ADAMTSL1: variants seen among roughly 807,000 people sequenced by gnomAD.
The protein encoded by ADAMTSL1 is ADAMTS-like protein 1.
Under a neutral mutation model 201.8 loss-of-function variants are expected in ADAMTSL1, and 126 were observed. The ratio of observed to expected loss-of-function variants is 0.62; its 90% CI spans 0.54 to 0.72. ADAMTSL1 has a LOEUF of 0.72. Among genes scored for constraint, ADAMTSL1 ranks in the 30% least tolerant of loss-of-function variants. ADAMTSL1 has a pLI of 0.00. For missense variants in ADAMTSL1, 2,679 were observed against 2,277.8 expected, an observed-to-expected ratio of 1.18 and a Z score of -3.59; for synonymous variants, 1,121 against 903.4, an observed-to-expected ratio of 1.24 and a Z score of -4.32.
intron 2 of ADAMTSL1, among the ~76,000 whole-genome samples, chr9:18,293,003 T>C (rs1417715652): frequency 6.6e-6 from 1 of 152,140 alleles, no homozygotes; most frequent in Non-Finnish European, 1.5e-5. Context: ...TGTTGAGGAA[T>C]TGGAGGTATC....
intron 2 of ADAMTSL1, among the ~76,000 whole-genome samples, chr9:18,241,439 A>G (rs983611995): frequency 2.6e-5 from 4 of 152,220 alleles, no homozygotes; most frequent in Admixed American, 1.3e-4. Context: ...TATCTTGTCC[A>G]GGTTATCATT....
In ADAMTSL1 at chr9:18,892,607, A is replaced by G; in HGVS notation, c.4851+11A>G. ...TCCAGCTGGGGCCAGGTGAGGAGCC[A>G]GAGAGGTTGTTATTTGAAAGCTAAA... is the stretch of plus-strand genomic sequence containing the variant. On this transcript the variant is annotated intron_variant, in intron 26 of 28. Transcript: ENST00000380548. 1 of 1,552,270 alleles carries G rather than the reference A, an allele frequency of 6.4e-7. No homozygotes were observed. Among genetic ancestry groups the G allele is most frequent in the African/African-American group, 1.4e-5 (1 of 73,292 alleles).
At chr9:18,732,595 G>A (rs2133490023) in intron 15 of ADAMTSL1, among the ~76,000 whole-genome samples, 1 of 152,292 alleles carries the variant, frequency 6.6e-6, no homozygotes, top group East Asian at 1.9e-4. Flanking sequence ...TGGCCAGAAA[G>A]GCCTGGGATA....
chr9:17,940,711 G>GAAAAAAAAAA (rs1827199518), intron 1 of ADAMTSL1, among the ~76,000 whole-genome samples: 1 of 26,312 alleles, frequency 3.8e-5, no homozygotes, highest in African/African-American at 1.9e-4. Context: ...TGCATAACGT[G>GAAAAAAAAAA]CAAAAAAAAA....
intron 2 of ADAMTSL1, among the ~76,000 whole-genome samples, chr9:18,263,496 G>A (rs1419880472): frequency 2.0e-5 from 3 of 152,120 alleles, no homozygotes; most frequent in South Asian, 2.1e-4. Flanking sequence ...GTCTTCTTTG[G>A]TGATCCCATC....
At chr9:18,699,094 A>C (rs1468107289) in intron 13 of ADAMTSL1, among the ~76,000 whole-genome samples, 1 of 152,194 alleles carries the variant, frequency 6.6e-6, no homozygotes, top group African/African-American at 2.4e-5. Flanking sequence ...TCTAGCATAA[A>C]GTCTCTTTGA....
chr9:18,435,637 C>T (rs1431978909), intron 2 of ADAMTSL1, among the ~76,000 whole-genome samples: 2 of 152,018 alleles, frequency 1.3e-5, no homozygotes, highest in East Asian at 3.9e-4. Context: ...TCTGTGAGGC[C>T]AGGACAGAGA....
intron 4 of ADAMTSL1, among the ~76,000 whole-genome samples, chr9:18,587,450 A>G (rs1236393009): frequency 3.3e-5 from 5 of 152,162 alleles, no homozygotes; most frequent in African/African-American, 4.8e-5. Flanking sequence ...TTACTGGGGT[A>G]TCTATCACCT....
chr9:18,307,891 C>T (rs903535173), intron 2 of ADAMTSL1, among the ~76,000 whole-genome samples: 4 of 152,132 alleles, frequency 2.6e-5, no homozygotes, highest in Non-Finnish European at 5.9e-5. Context: ...ACAGAATATA[C>T]ATTCTTTTCA....
At chr9:18,169,339 C>T (rs1425384378) in intron 2 of ADAMTSL1, among the ~76,000 whole-genome samples, 1 of 151,996 alleles carries the variant, frequency 6.6e-6, no homozygotes, top group African/African-American at 2.4e-5. Context: ...CAGCTTTCTA[C>T]ATATGGCTAG....
chr9:18,624,847 T>C (rs996703414), intron 5 of ADAMTSL1, among the ~76,000 whole-genome samples: 4 of 152,148 alleles, frequency 2.6e-5, no homozygotes, highest in African/African-American at 9.7e-5. Flanking sequence ...AGTAGGTAAA[T>C]TATATAATAC....
intron 23 of ADAMTSL1, among the ~76,000 whole-genome samples, chr9:18,838,402 C>CACACAT (rs754001590): frequency 8.0e-6 from 1 of 125,428 alleles, no homozygotes; most frequent in Non-Finnish European, 1.6e-5. Context: ...CACACACACA[C>CACACAT]GCAAAAACCT....
At chr9:18,551,887 G>A (rs762233282) in intron 3 of ADAMTSL1, among the ~76,000 whole-genome samples, 1 of 151,730 alleles carries the variant, frequency 6.6e-6, no homozygotes, top group Non-Finnish European at 1.5e-5. Flanking sequence ...ATGCCTTAAA[G>A]TAGGTTGAAC....
intron 2 of ADAMTSL1, among the ~76,000 whole-genome samples, chr9:18,457,787 CT>C (rs1820662884): frequency 6.6e-6 from 1 of 152,148 alleles, no homozygotes; most frequent in Non-Finnish European, 1.5e-5. Flanking sequence ...TTCCTTTCCC[CT>C]AAGGATGCAA....
chr9:18,046,057 T>C (rs373980630), intron 1 of ADAMTSL1, among the ~76,000 whole-genome samples: 50 of 152,306 alleles, frequency 3.3e-4, no homozygotes, highest in African/African-American at 1.2e-3. Flanking sequence ...TCCTGGATGA[T>C]ATATTTTGTT....
At chr9:18,474,134 G>A, upstream of ADAMTSL1, 1 of 1,034,368 alleles carries the variant, frequency 9.7e-7, no homozygotes, top group Non-Finnish European at 1.5e-6. Flanking sequence ...CTGATAGGCA[G>A]GACTGGAGTG....
intron 25 of ADAMTSL1, among the ~76,000 whole-genome samples, 157 bp from the exon 26 acceptor site, chr9:18,892,232 C>G (rs1176539530): frequency 6.6e-6 from 1 of 152,242 alleles, no homozygotes; most frequent in East Asian, 1.9e-4. Flanking sequence ...TTGGAGGAGT[C>G]ATTTTTCAGC....
At chr9:18,821,747 CT>C (rs1341295408) in intron 21 of ADAMTSL1, among the ~76,000 whole-genome samples, 1 of 152,160 alleles carries the variant, frequency 6.6e-6, no homozygotes. Context: ...ACCTCCACAC[CT>C]CCTAGGAAGC....
chr9:17,935,833 G>A lies in ADAMTSL1; in HGVS notation c.87+28911G>A, dbSNP rs559687486. 6.6e-5 allele frequency among the ~76,000 whole-genome samples: 10 copies of A among 152,212 alleles called. No homozygotes were observed. The South Asian group carries it at 1.0e-3, about 16-fold the overall frequency. On this transcript the variant is annotated intron_variant, in intron 1 of 29. Transcript: ENST00000680146. ...TCTGCTTTTATCTACCTTCAGTCTC[G>A]TCTCAGTAGAGCATGCAGGTGATCC...
Sources: allele counts gnomAD v4.1 joint callset (sites outside exome capture counted in the v4.1 genomes callset), GRCh38; gene constraint gnomAD v4.1.1; transcripts MANE v1.5; gene names NCBI Gene and HGNC (gene_info 2026-07-23, HGNC 2026-07-21).